GPATCH8: variants seen among roughly 807,000 people sequenced by gnomAD.
The protein encoded by GPATCH8 is G-patch domain containing 8, also known as G patch domain-containing protein 8.
A neutral mutation model predicts 118.3 loss-of-function variants in GPATCH8; 18 were observed. The observed-to-expected ratio is 0.15, with a 90% CI of 0.11 to 0.23. The LOEUF is 0.23. Ranked by LOEUF, GPATCH8 falls within the 10% of genes least tolerant of loss-of-function variation. The probability of loss-of-function intolerance (pLI) is 1.00; values close to 1 mark genes in which losing one functional copy is unlikely to be tolerated. For missense variants in GPATCH8, 1,631 were observed against 1,873.8 expected, an observed-to-expected ratio of 0.87 and a Z score of 2.39; for synonymous variants, 659 against 684.7, an observed-to-expected ratio of 0.96 and a Z score of 0.59.
At chr17:44,401,498 G>A (rs1214326620) in intron 7 of GPATCH8, 45 bp from the exon 8 acceptor site, 1 of 1,227,160 alleles carries the variant, frequency 8.1e-7, no homozygotes, top group Non-Finnish European at 1.2e-6. Flanking sequence ...GCAGGTTTAG[G>A]AGTACATTTC....
intron 1 of GPATCH8, among the ~76,000 whole-genome samples, chr17:44,484,820 CCTG>C (rs1161878853): frequency 6.6e-6 from 1 of 152,026 alleles, no homozygotes; most frequent in African/African-American, 2.4e-5. Context: ...TATGATGTGT[CCTG>C]CAGCATAGTG....
intron 5 of GPATCH8, among the ~76,000 whole-genome samples, chr17:44,434,318 AG>A (rs1473654858): frequency 6.6e-6 from 1 of 152,008 alleles, no homozygotes; most frequent in East Asian, 1.9e-4. Context: ...GGAAAGAAAA[AG>A]GGGCAGGAAA....
chr17:44,466,914 C>T (rs1017254271), intron 2 of GPATCH8, among the ~76,000 whole-genome samples: 1 of 152,076 alleles, frequency 6.6e-6, no homozygotes, highest in Non-Finnish European at 1.5e-5. Context: ...TGCTCCCCCC[C>T]CCTCCATTTT....
chr17:44,450,284 T>C (rs2051064989), intron 3 of GPATCH8, among the ~76,000 whole-genome samples: 1 of 152,238 alleles, frequency 6.6e-6, no homozygotes, highest in South Asian at 2.1e-4. Context: ...TCTGAATTCC[T>C]GGCTGCTTTT....
intron 1 of GPATCH8, among the ~76,000 whole-genome samples, chr17:44,499,473 AAAAT>A (rs1221011993): frequency 6.6e-6 from 1 of 152,334 alleles, no homozygotes; most frequent in East Asian, 1.9e-4. Flanking sequence ...CCATCTCAAA[AAAAT>A]AAATAAATAA....
intron 1 of GPATCH8, among the ~76,000 whole-genome samples, chr17:44,477,933 C>T (rs932595295): frequency 1.5e-4 from 22 of 151,378 alleles, no homozygotes; most frequent in African/African-American, 3.7e-4. Flanking sequence ...CCTCAGCCTC[C>T]GGAGTAGCTG....
At chr17:44,434,706 T>TGTCTGGCCTCTGC (rs1350323773) in intron 5 of GPATCH8, among the ~76,000 whole-genome samples, 1 of 152,212 alleles carries the variant, frequency 6.6e-6, no homozygotes, top group East Asian at 1.9e-4. Flanking sequence ...TGAGCCACTG[T>TGTCTGGCCTCTGC]GTCTGGCCTC....
rs141134422 is a variant in GPATCH8, at chr17:44,398,515, G to A, written c.3562C>T (p.Leu1188=). 3.9e-5 allele frequency: 63 copies of A among 1,601,824 alleles called. No individual in the cohort carries two copies. In the African/African-American group the frequency reaches 7.8e-4, roughly 20 times the overall value. ...TCTGAAGGGAACTGATGCCCAAATAGGGCATCACTACTCCCTGGGGGCCCC... is the reference window on the plus strand; with the variant it reads ...TCTGAAGGGAACTGATGCCCAAATAAGGCATCACTACTCCCTGGGGGCCCC... ...EEGPPGSSDA[L]FGHQFPSEET... Residue 1188 remains leucine, a synonymous_variant, in exon 8 of 8, where the codon CTA becomes TTA. Coordinates refer to ENST00000591680, the MANE Select transcript of GPATCH8 (RefSeq NM_001002909.4).
rs1045314907 is a variant in GPATCH8, at chr17:44,396,511, C to T, written c.*1057G>A. On this transcript the variant is annotated 3_prime_UTR_variant, in exon 8 of 8. Transcript: ENST00000591680. Reference sequence around the variant, plus strand: ...TTATAGTTCATAACTTCAAAAAATACATAAGTTTGGTAAAATATACATGCT... The same window carrying T: ...TTATAGTTCATAACTTCAAAAAATATATAAGTTTGGTAAAATATACATGCT... The T allele has an allele frequency of 8.8e-6, 4 of 452,754 alleles. No individual in the cohort carries two copies. Among genetic ancestry groups the T allele is most frequent in the African/African-American group, 8.0e-5 (4 of 49,872 alleles). 28.0% of individuals were successfully genotyped at this position (452,754 alleles called of 1,614,324 possible). A position where few individuals can be genotyped will look rare whatever the true frequency, so the allele number is the denominator to read the frequency against.
At chr17:44,417,832 T>C (rs1397614982) in intron 6 of GPATCH8, among the ~76,000 whole-genome samples, 3 of 152,218 alleles carry the variant, frequency 2.0e-5, no homozygotes, top group Non-Finnish European at 4.4e-5. Context: ...AGATGGCAAC[T>C]GTTCAGCTTT....
rs1239061578 is a variant in GPATCH8 at position 44,398,630 on chromosome 17, C to T, written c.3447G>A (p.Gly1149=). ...TGGGCTTTCGGGTAGCTGGGAGCTT[C>T]CCTATCAGTGGAAGGACAGGCTTAT... ...LGNKPVLPLI[G]KLPATRKPNK... is the part of the protein sequence containing the mutation. Residue 1149 remains glycine, a synonymous_variant, in exon 8 of 8, where the codon GGG becomes GGA. Coordinates refer to ENST00000591680, the MANE Select transcript of GPATCH8 (RefSeq NM_001002909.4). 6 of 1,546,968 alleles carry T rather than the reference C, an allele frequency of 3.9e-6. No homozygotes were observed. The highest frequency in any genetic ancestry group is 5.2e-6 in the Non-Finnish European group (6 of 1,149,494).
chr17:44,444,755 CAA>C (rs2050816033), intron 3 of GPATCH8, among the ~76,000 whole-genome samples: 1 of 152,062 alleles, frequency 6.6e-6, no homozygotes, highest in Non-Finnish European at 1.5e-5. Context: ...TCTGGGGCAA[CAA>C]GAGAGAATCT....
chr17:44,408,095 G>A (rs2049299299), intron 6 of GPATCH8, among the ~76,000 whole-genome samples: 1 of 152,060 alleles, frequency 6.6e-6, no homozygotes, highest in South Asian at 2.1e-4. Flanking sequence ...ATTACTTTTG[G>A]CCACAAACCT....
chr17:44,413,174 G>GT lies in GPATCH8; in HGVS notation c.493-7124dup, dbSNP rs112545036. ...AAGTGATGAAAATTAATTTTATTCA[G>GT]TAAGAAAAAACCAAGTATTTGGTAA... On this transcript the variant is annotated intron_variant, in intron 6 of 7. Transcript: ENST00000591680. Among the ~76,000 whole-genome samples the GT allele has an allele frequency of 4.2e-3, 636 of 152,222 alleles. 9 individuals are homozygous for GT. The highest frequency in any genetic ancestry group is 0.014 in the African/African-American group (584 of 41,526).
rs61316944 is a variant in GPATCH8 at position 44,402,324 on chromosome 17, CA to C, written c.624-872del. Among the ~76,000 whole-genome samples the C allele has an allele frequency of 9.3e-3, 390 of 41,908 alleles. 2 individuals carry two copies. The highest frequency in any genetic ancestry group is 0.025 in the African/African-American group (275 of 11,182). 27.5% of individuals were successfully genotyped at this position (41,908 alleles called of 152,430 possible). On this transcript the variant is annotated intron_variant, in intron 7 of 7. Transcript: ENST00000591680. ...TGGGTGACAGAGCAAGACTCTGTCTCAAAAAAAAAAAAAAAAAAAAAAAAGT... is the reference window on the plus strand; with the variant it reads ...TGGGTGACAGAGCAAGACTCTGTCTCAAAAAAAAAAAAAAAAAAAAAAAGT...
intron 6 of GPATCH8, among the ~76,000 whole-genome samples, chr17:44,414,724 C>G (rs1280289020): frequency 6.6e-6 from 1 of 152,158 alleles, no homozygotes; most frequent in Non-Finnish European, 1.5e-5. Context: ...ACCTCATACC[C>G]ATAAGCAGTT....
At chr17:44,462,055 G>A (rs902918986) in intron 3 of GPATCH8, among the ~76,000 whole-genome samples, 3 of 152,096 alleles carry the variant, frequency 2.0e-5, no homozygotes, top group African/African-American at 7.3e-5. Flanking sequence ...CAAAGTAGGT[G>A]AGTAGCCATT....
At chr17:44,493,954 C>T (rs1969476641) in intron 1 of GPATCH8, among the ~76,000 whole-genome samples, 1 of 152,162 alleles carries the variant, frequency 6.6e-6, no homozygotes, top group Non-Finnish European at 1.5e-5. Flanking sequence ...ATTCTCATAA[C>T]CAGGTCAGAT....
intron 1 of GPATCH8, among the ~76,000 whole-genome samples, chr17:44,487,179 C>T (rs1295094137): frequency 1.3e-5 from 2 of 152,206 alleles, no homozygotes; most frequent in Admixed American, 6.5e-5. Flanking sequence ...TCCCCTCAAA[C>T]TCCTGGCAAT....
Sources: allele counts gnomAD v4.1 joint callset (sites outside exome capture counted in the v4.1 genomes callset), GRCh38; gene constraint gnomAD v4.1.1; transcripts MANE v1.5; gene names NCBI Gene and HGNC (gene_info 2026-07-23, HGNC 2026-07-21).